CBLB: variants seen among roughly 807,000 people sequenced by gnomAD.
CBLB encodes the protein E3 ubiquitin-protein ligase CBL-B.
CBLB carries 31 observed loss-of-function variants against 104.9 expected under a neutral mutation model. The ratio of observed to expected loss-of-function variants is 0.30; its 90% CI spans 0.22 to 0.40. The LOEUF (loss-of-function observed/expected upper bound fraction) is 0.40, where lower values mean the gene tolerates loss of function less well. Ranked by LOEUF, CBLB falls within the 10% of genes least tolerant of loss-of-function variation. The probability of loss-of-function intolerance (pLI) is 1.00; values close to 1 mark genes in which losing one functional copy is unlikely to be tolerated. For synonymous variants in CBLB, 440 were observed against 422.6 expected (o/e 1.04, Z -0.51); for missense variants, 1,062 against 1,214.6 (o/e 0.87, Z 1.87).
In CBLB at chr3:105,656,243, GTTAAT is replaced by G. The variant is rs1402505872; in HGVS notation, c.*2722_*2726del. 1 of 213,576 alleles carries G rather than the reference GTTAAT, an allele frequency of 4.7e-6. No homozygotes were observed. The allele number at this position is 213,576 out of a possible 1,614,324, so 13.2% of individuals were successfully genotyped here. On this transcript the variant is annotated 3_prime_UTR_variant, in exon 19 of 19. Transcript: ENST00000394030. ...GTTGATATTGGCCACATATCAGTAA[GTTAAT>G]TTGTCTTAATTTTATGTATTATATG... is the stretch of plus-strand genomic sequence containing the variant.
chr3:105,774,116 G>A (rs1321279717), intron 4 of CBLB, among the ~76,000 whole-genome samples: 6 of 152,216 alleles, frequency 3.9e-5, no homozygotes, highest in African/African-American at 1.4e-4. Flanking sequence ...TGGATTAATG[G>A]TTCTGTTTTA....
intron 3 of CBLB, among the ~76,000 whole-genome samples, chr3:105,809,717 T>C (rs1468424565): frequency 6.6e-6 from 1 of 152,216 alleles, no homozygotes; most frequent in Non-Finnish European, 1.5e-5. Context: ...CTGTTCTTAT[T>C]GTTTTCCTTT....
chr3:105,778,249 C>T (rs572634396), intron 3 of CBLB, among the ~76,000 whole-genome samples: 1 of 152,226 alleles, frequency 6.6e-6, no homozygotes, highest in African/African-American at 2.4e-5. Flanking sequence ...TAAAACCATA[C>T]AGTGTATCAA....
chr3:105,718,391 G>C (rs185707840), intron 10 of CBLB, among the ~76,000 whole-genome samples: 17 of 152,234 alleles, frequency 1.1e-4, no homozygotes, highest in African/African-American at 3.6e-4. Context: ...GTAAAAATTT[G>C]TATGTAAAAT....
intron 4 of CBLB, among the ~76,000 whole-genome samples, chr3:105,773,349 G>A (rs1382515607): frequency 1.3e-5 from 2 of 152,172 alleles, no homozygotes; most frequent in African/African-American, 4.8e-5. Flanking sequence ...GCAAGCAAAG[G>A]CATAAGAATG....
At position 105,849,794 on chromosome 3, in the gene CBLB, C is replaced by G. The variant is rs143431797; in HGVS notation, c.419+3620G>C. Among the ~76,000 whole-genome samples the G allele has an allele frequency of 3.4e-3, 519 of 152,020 alleles. 4 individuals carry two copies. The highest frequency in any genetic ancestry group is 0.012 in the African/African-American group (485 of 41,512). On this transcript the variant is annotated intron_variant, in intron 3 of 18. Transcript: ENST00000394030. ...GAGTAAAATTTAATGGATGACTTGG[C>G]TGGATCAGGAAGAATTTCAAAACTA...
At chr3:105,817,246 A>G (rs1158949921) in intron 3 of CBLB, among the ~76,000 whole-genome samples, 2 of 152,210 alleles carry the variant, frequency 1.3e-5, no homozygotes, top group African/African-American at 4.8e-5. Context: ...GGAGCAAGAT[A>G]TTAGAAGGCC....
intron 3 of CBLB, among the ~76,000 whole-genome samples, chr3:105,787,705 A>G (rs903866897): frequency 2.6e-5 from 4 of 152,242 alleles, no homozygotes; most frequent in Non-Finnish European, 4.4e-5. Flanking sequence ...GTATGCCAAG[A>G]ATCTAACATA....
chr3:105,748,318 C>G (rs1270992726), intron 5 of CBLB, among the ~76,000 whole-genome samples: 1 of 152,206 alleles, frequency 6.6e-6, no homozygotes, highest in East Asian at 1.9e-4. Context: ...CTTGGCTGGT[C>G]TGCCTAGACA....
At chr3:105,709,911 G>C (rs1262667245) in intron 10 of CBLB, among the ~76,000 whole-genome samples, 1 of 151,862 alleles carries the variant, frequency 6.6e-6, no homozygotes, top group Non-Finnish European at 1.5e-5. Context: ...TATTTTGTTT[G>C]CTTTGATGCT....
chr3:105,830,077 G>A (rs879373904), intron 3 of CBLB, among the ~76,000 whole-genome samples: 1 of 152,172 alleles, frequency 6.6e-6, no homozygotes, highest in Non-Finnish European at 1.5e-5. Flanking sequence ...AGAAGAAGGA[G>A]TGATGCAGAG....
chr3:105,864,650 C>T (rs1419776024), intron 2 of CBLB, among the ~76,000 whole-genome samples: 3 of 152,148 alleles, frequency 2.0e-5, no homozygotes, highest in Non-Finnish European at 4.4e-5. Context: ...ACAAAACACT[C>T]TACATCTTAT....
At chr3:105,707,851 T>A (rs555916342) in intron 10 of CBLB, among the ~76,000 whole-genome samples, 5 of 150,906 alleles carry the variant, frequency 3.3e-5, no homozygotes, top group African/African-American at 9.8e-5. Flanking sequence ...TTTTTTATCC[T>A]TCTGAAAATA....
chr3:105,828,912 A>G (rs1259891953), intron 3 of CBLB, among the ~76,000 whole-genome samples: 1 of 152,200 alleles, frequency 6.6e-6, no homozygotes, highest in Non-Finnish European at 1.5e-5. Context: ...AGACAGTTCA[A>G]GAAGGTGAGA....
chr3:105,812,470 GAAGT>G (rs1265250341), intron 3 of CBLB, among the ~76,000 whole-genome samples: 1 of 152,216 alleles, frequency 6.6e-6, no homozygotes, highest in Non-Finnish European at 1.5e-5. Flanking sequence ...TTGACTTAGT[GAAGT>G]CTGGAACATC....
At position 105,678,508 on chromosome 3, in the gene CBLB, C is replaced by T. The variant is rs1220111701; in HGVS notation, c.2492G>A (p.Ser831Asn). The T allele has an allele frequency of 6.2e-7, 1 of 1,613,916 alleles. No homozygotes were observed. Among genetic ancestry groups the T allele is most frequent in the Non-Finnish European group, 8.5e-7 (1 of 1,179,856 alleles). The stretch of plus-strand genomic sequence containing the variant: ...AGGAGGTTTTGAATGTTCAATGAGA[C>T]TATGCCTTGCAGGAGGTGGGGGAGG... ...LPPPPPPARH[S>N]LIEHSKPPGS... The change falls in exon 17 of 19, where the codon AGT becomes AAT. Residue 831 changes from serine (S) to asparagine (N), a missense_variant. Coordinates refer to ENST00000394030, the MANE Select transcript of CBLB (RefSeq NM_170662.5).
chr3:105,776,937 A>C (rs1340034399), intron 3 of CBLB, among the ~76,000 whole-genome samples: 3 of 152,220 alleles, frequency 2.0e-5, no homozygotes, highest in Non-Finnish European at 4.4e-5. Context: ...CCATCAGAGG[A>C]GAATCTAGGA....
At chr3:105,792,164 G>C (rs2081735049) in intron 3 of CBLB, among the ~76,000 whole-genome samples, 1 of 152,146 alleles carries the variant, frequency 6.6e-6, no homozygotes, top group African/African-American at 2.4e-5. Flanking sequence ...TGATTCTTAT[G>C]CAAGTTTAAT....
chr3:105,724,458 T>C (rs778101977), intron 9 of CBLB, among the ~76,000 whole-genome samples: 3 of 152,140 alleles, frequency 2.0e-5, no homozygotes, highest in Admixed American at 6.5e-5. Context: ...GGGCAATTCA[T>C]TGCATCTTAT....
Sources: allele counts gnomAD v4.1 joint callset (sites outside exome capture counted in the v4.1 genomes callset), GRCh38; gene constraint gnomAD v4.1.1; transcripts MANE v1.5; gene names NCBI Gene and HGNC (gene_info 2026-07-23, HGNC 2026-07-21).